The following TCF3 variants were observed in gnomAD, a reference collection of about 807,000 sequenced individuals.
TCF3 encodes the protein transcription factor 3.
Under a neutral mutation model 72.3 loss-of-function variants are expected in TCF3, and 54 were observed. The observed-to-expected ratio is 0.75, with a 90% CI of 0.60 to 0.94. TCF3 has a LOEUF of 0.94. TCF3 is among the 40% of genes least tolerant of loss of function. TCF3 has a pLI of 0.00. For synonymous variants in TCF3, 525 were observed against 412.6 expected (o/e 1.27, Z -3.30); for missense variants, 1,078 against 934.4 (o/e 1.15, Z -2.00).
chr19:1,617,585 C>T (rs751629518), intron 16 of TCF3, among the ~76,000 whole-genome samples: 3 of 152,224 alleles, frequency 2.0e-5, no homozygotes, highest in Admixed American at 1.3e-4. Flanking sequence ...CTGAGACCCC[C>T]GTACCCTGAG....
chr19:1,612,113 G>A (rs998078633), intron 18 of TCF3: 4 of 1,303,460 alleles, frequency 3.1e-6, no homozygotes, highest in Admixed American at 2.6e-5. Flanking sequence ...CATGGACAGA[G>A]TCCGGGGGCG....
intron 16 of TCF3, among the ~76,000 whole-genome samples, chr19:1,618,515 C>G (rs572012326): frequency 3.3e-5 from 5 of 151,674 alleles, no homozygotes; most frequent in Admixed American, 3.3e-4. Context: ...GCCCTCCCCC[C>G]TTCCCTCTCT....
chr19:1,630,263 G>A (rs914600222), intron 5 of TCF3, among the ~76,000 whole-genome samples: 4 of 152,184 alleles, frequency 2.6e-5, no homozygotes, highest in Admixed American at 1.3e-4. Context: ...AGGGGGGCGG[G>A]GCCAGGCCTC....
intron 7 of TCF3, 31 bp from the exon 8 acceptor site, chr19:1,624,031 C>T (rs2062581974): frequency 6.2e-7 from 1 of 1,611,102 alleles, no homozygotes. Context: ...GAGAACCGGC[C>T]ACCGGCCATG....
intron 16 of TCF3, 88 bp downstream of exon 16, chr19:1,619,023 G>A (rs2061855242): frequency 1.3e-6 from 2 of 1,579,966 alleles, no homozygotes; most frequent in South Asian, 1.1e-5. Context: ...CACCTGCCCT[G>A]GGCTCCCACC....
At position 1,615,537 on chromosome 19, in the gene TCF3, G is replaced by A. The variant is rs376256283; in HGVS notation, c.1587-17C>T. 7.9e-5 allele frequency: 127 copies of A among 1,605,494 alleles called. 2 individuals carry two copies. In the East Asian group the frequency reaches 1.9e-3, roughly 24 times the overall value. On this transcript the variant is annotated splice_polypyrimidine_tract_variant and intron_variant, in intron 17 of 18. Transcript: ENST00000262965. This position sits in a 1 kb window ranked among gnomAD's most constrained non-coding sequence, Gnocchi z 7.3. Reference sequence around the variant, plus strand: ...TCGTCTGGGCTATGGGGAGGGCGCCGGGAGGGGGCCAGAGGGAGACAGTGA... The same window carrying A: ...TCGTCTGGGCTATGGGGAGGGCGCCAGGAGGGGGCCAGAGGGAGACAGTGA...
At position 1,611,295 on chromosome 19, in the gene TCF3, G is replaced by A. The variant is rs530072617; in HGVS notation, c.*412C>T. On this transcript the variant is annotated 3_prime_UTR_variant, in exon 19 of 19. Transcript: ENST00000262965. ...TTGAGTGATATGTTTCCATTTCTCC[G>A]CTTTTTATAGTTAAGGCATTTTTTT... 4.8e-5 allele frequency: 17 copies of A among 357,288 alleles called. No homozygotes were observed. Among genetic ancestry groups the A allele is most frequent in the African/African-American group, 3.5e-4 (17 of 48,030 alleles). 22.1% of individuals were successfully genotyped at this position (357,288 alleles called of 1,614,324 possible). A position where few individuals can be genotyped will look rare whatever the true frequency, so the allele number is the denominator to read the frequency against.
chr19:1,649,889 C>A (rs954040951), intron 2 of TCF3, among the ~76,000 whole-genome samples: 1 of 152,270 alleles, frequency 6.6e-6, no homozygotes, highest in African/African-American at 2.4e-5. Flanking sequence ...GCTTACCCAG[C>A]CAAGCTGGGG....
intron 8 of TCF3, 70 bp downstream of exon 8, chr19:1,623,881 T>C: frequency 2.6e-6 from 4 of 1,519,972 alleles, no homozygotes; most frequent in Non-Finnish European, 3.6e-6. Context: ...GTTCCCAAGC[T>C]TCGCCAGGAC....
chr19:1,614,318 C>T lies in TCF3; in HGVS notation c.1822+967G>A, dbSNP rs879269429. Among the ~76,000 whole-genome samples, 24 of 152,228 alleles carry T rather than the reference C, an allele frequency of 1.6e-4. No homozygotes were observed. The highest frequency in any genetic ancestry group is 4.1e-4 in the African/African-American group (17 of 41,454). On this transcript the variant is annotated intron_variant, in intron 18 of 18. Transcript: ENST00000262965. This position sits in a 1 kb window ranked among gnomAD's most constrained non-coding sequence, Gnocchi z 5.6. Reference sequence around the variant, plus strand: ...GACAGGACCAGGGGCTGCGTGCTCCCGGGTCTGGTTTCTTCCCGCAAGCCC... The same window carrying T: ...GACAGGACCAGGGGCTGCGTGCTCCTGGGTCTGGTTTCTTCCCGCAAGCCC...
chr19:1,629,096 C>T (rs1180130494), intron 5 of TCF3, among the ~76,000 whole-genome samples: 4 of 101,162 alleles, frequency 4.0e-5, no homozygotes, highest in Non-Finnish European at 7.6e-5. Flanking sequence ...AAGGGGACAG[C>T]AGAGCTCACG....
In TCF3 at chr19:1,629,621, G is replaced by C. The variant is rs1076324; in HGVS notation, c.299-2195C>G. ...AGTGTGGAGGGCCTGGGGCTGATGCGGTGACACCTGGATCCAGCCTTGCCT... is the reference window on the plus strand; with the variant it reads ...AGTGTGGAGGGCCTGGGGCTGATGCCGTGACACCTGGATCCAGCCTTGCCT... On this transcript the variant is annotated intron_variant, in intron 5 of 18. Coordinates refer to ENST00000262965, the MANE Select transcript of TCF3 (RefSeq NM_003200.5). Among the ~76,000 whole-genome samples, 38 of 151,992 alleles carry C rather than the reference G, an allele frequency of 2.5e-4. No individual in the cohort carries two copies. The South Asian group carries it at 7.7e-3, about 31-fold the overall frequency.
chr19:1,621,105 T>C (rs374844406), intron 12 of TCF3, 28 bp downstream of exon 12: 1 of 1,525,986 alleles, frequency 6.6e-7, no homozygotes, highest in Non-Finnish European at 8.8e-7. Flanking sequence ...GTCACTTGCC[T>C]GGCCACCCCC....
intron 14 of TCF3, 129 bp downstream of exon 14, chr19:1,619,651 C>T (rs956926037): frequency 1.6e-6 from 2 of 1,265,218 alleles, no homozygotes; most frequent in Non-Finnish European, 2.2e-6. Context: ...GCCTTGGCGG[C>T]CACGAGGCCT....
At chr19:1,632,239 G>A in intron 4 of TCF3, 93 bp downstream of exon 4, 2 of 1,541,744 alleles carry the variant, frequency 1.3e-6, no homozygotes, top group South Asian at 1.2e-5. Flanking sequence ...CTGGAAGGCT[G>A]GCCCCTTCTC....
intron 3 of TCF3, 42 bp downstream of exon 3, chr19:1,646,313 T>C (rs1568505576): frequency 2.6e-6 from 4 of 1,540,482 alleles, no homozygotes; most frequent in Admixed American, 3.9e-5. Context: ...AGACCCTTGA[T>C]CTCCTCACTC....
At position 1,622,329 on chromosome 19, in the gene TCF3, G is replaced by A; in HGVS notation, c.636C>T (p.Ala212=). ...SAKTPSSTYP[A]PFYVADGSLH... is the part of the protein sequence containing the mutation. ...GCCATGTACCTGCCACGTAGAAGGGGGCGGGATAGGTGCTGCTGGGGGTCT... is the reference window on the plus strand; with the variant it reads ...GCCATGTACCTGCCACGTAGAAGGGAGCGGGATAGGTGCTGCTGGGGGTCT... The change falls in exon 9 of 19, where the codon GCC becomes GCT. Residue 212 remains alanine (A), a synonymous_variant. Coordinates refer to ENST00000262965, the MANE Select transcript of TCF3 (RefSeq NM_003200.5). 1.3e-6 allele frequency: 2 copies of A among 1,535,418 alleles called. No individual in the cohort carries two copies. Among genetic ancestry groups the A allele is most frequent in the Non-Finnish European group, 8.8e-7 (1 of 1,141,066 alleles).
In TCF3 at chr19:1,637,505, G is replaced by C. The variant is rs1302446441; in HGVS notation, c.146-5100C>G. Among the ~76,000 whole-genome samples the C allele has an allele frequency of 2.6e-5, 4 of 152,318 alleles. No homozygotes were observed. In the South Asian group the frequency reaches 8.3e-4, roughly 32 times the overall value. On this transcript the variant is annotated intron_variant, in intron 3 of 18. Transcript: ENST00000262965. The stretch of plus-strand genomic sequence containing the variant: ...ACAGGGCCCCGCTTTGAATTTCAGT[G>C]ACCACAGAGATAACCGAGACCCCAT...
rs899630374 is a variant in TCF3 at position 1,614,545 on chromosome 19, C to T, written c.1822+740G>A. Among the ~76,000 whole-genome samples, 1 of 152,086 alleles carries T rather than the reference C, an allele frequency of 6.6e-6. No homozygotes were observed. The highest frequency in any genetic ancestry group is 1.5e-5 in the Non-Finnish European group (1 of 68,014). ...CGTGCCACACACGGCTGCAGAGACT[C>T]GGAAACCTTAGAGCTGAGGGGATAG... On this transcript the variant is annotated intron_variant, in intron 18 of 18. Coordinates refer to ENST00000262965, the MANE Select transcript of TCF3 (RefSeq NM_003200.5). The surrounding 1 kb of genome is among the most constrained non-coding windows in gnomAD (Gnocchi z 5.6).
Sources: allele counts gnomAD v4.1 joint callset (sites outside exome capture counted in the v4.1 genomes callset), GRCh38; gene constraint gnomAD v4.1.1; non-coding constraint Gnocchi (gnomAD v3.1); transcripts MANE v1.5; gene names NCBI Gene and HGNC (gene_info 2026-07-23, HGNC 2026-07-21).